AK4: variants seen among roughly 807,000 people sequenced by gnomAD.
AK4 encodes the protein adenylate kinase 4, also known as adenylate kinase 4, mitochondrial.
AK4 carries 13 observed loss-of-function variants against 24.6 expected under a neutral mutation model. The ratio of observed to expected loss-of-function variants is 0.53; its 90% confidence interval spans 0.34 to 0.84. AK4 has a LOEUF of 0.84. Among genes scored for constraint, AK4 ranks in the 40% least tolerant of loss-of-function variants. The pLI is 0.01. For missense variants in AK4, 192 were observed against 288.2 expected, an observed-to-expected ratio of 0.67 and a Z score of 2.42; for synonymous variants, 88 against 107.0, an observed-to-expected ratio of 0.82 and a Z score of 1.10.
intron 1 of AK4, among the ~76,000 whole-genome samples, chr1:65,156,307 G>T (rs767474009): frequency 2.6e-5 from 4 of 152,014 alleles, no homozygotes; most frequent in African/African-American, 4.8e-5. Flanking sequence ...TGTATCCAAA[G>T]ATTTTGTCAT....
intron 1 of AK4, among the ~76,000 whole-genome samples, chr1:65,184,462 T>G (rs79283054): frequency 0.014 from 2,116 of 152,338 alleles, 51 homozygotes; most frequent in African/African-American, 0.049. Context: ...GCAAAGATAG[T>G]GGCCTCTTTG....
intron 3 of AK4, among the ~76,000 whole-genome samples, chr1:65,222,993 TG>T (rs199681489): frequency 2.1e-4 from 32 of 151,816 alleles, no homozygotes; most frequent in African/African-American, 5.6e-4. Context: ...AAAATCAAGG[TG>T]TTTTTTTTTT....
chr1:65,213,586 G>C (rs1455761465), intron 2 of AK4, among the ~76,000 whole-genome samples: 1 of 152,226 alleles, frequency 6.6e-6, no homozygotes, highest in Non-Finnish European at 1.5e-5. Context: ...TCCTAGGTGA[G>C]CTCTACCAAG....
chr1:65,224,191 A>T (rs780222852), intron 3 of AK4, among the ~76,000 whole-genome samples: 2 of 152,104 alleles, frequency 1.3e-5, no homozygotes, highest in Non-Finnish European at 2.9e-5. Flanking sequence ...TCCCTTCTGT[A>T]TGTTCCTACA....
At chr1:65,176,932 G>A (rs1011714072) in intron 1 of AK4, among the ~76,000 whole-genome samples, 5 of 152,146 alleles carry the variant, frequency 3.3e-5, no homozygotes, top group African/African-American at 7.2e-5. Context: ...CAGATGTCAG[G>A]AAATAAATCA....
At chr1:65,153,497 C>G (rs532245427) in intron 1 of AK4, among the ~76,000 whole-genome samples, 103 of 152,188 alleles carry the variant, frequency 6.8e-4, no homozygotes, top group Non-Finnish European at 1.2e-3. Flanking sequence ...TCTTGAACCC[C>G]TTAGTTCAGG....
chr1:65,188,400 A>G (rs1166923401), intron 1 of AK4, among the ~76,000 whole-genome samples: 1 of 152,136 alleles, frequency 6.6e-6, no homozygotes, highest in East Asian at 1.9e-4. Context: ...AGCAAAAAAA[A>G]TAAAAATAAA....
At chr1:65,179,250 C>T (rs530376252) in intron 1 of AK4, among the ~76,000 whole-genome samples, 1 of 152,262 alleles carries the variant, frequency 6.6e-6, no homozygotes, top group South Asian at 2.1e-4. Context: ...AAGAACCTGT[C>T]CCTTTTATAC....
At chr1:65,221,508 C>T (rs1163126023) in intron 3 of AK4, among the ~76,000 whole-genome samples, 3 of 152,182 alleles carry the variant, frequency 2.0e-5, no homozygotes, top group Non-Finnish European at 4.4e-5. Context: ...GATTGTGCCA[C>T]TGCACTTCAG....
chr1:65,211,112 A>C (rs1433516652), intron 2 of AK4, among the ~76,000 whole-genome samples: 1 of 152,234 alleles, frequency 6.6e-6, no homozygotes, highest in Admixed American at 6.5e-5. Context: ...TGTACTCTGC[A>C]GTTATTAAAG....
Position 65,226,074 on chromosome 1 carries a change from T to C in AK4, c.569T>C (p.Val190Ala), listed in dbSNP as rs746234878. 1.9e-6 allele frequency: 3 copies of C among 1,611,656 alleles called. No individual in the cohort carries two copies. The highest frequency in any genetic ancestry group is 1.1e-5 in the South Asian group (1 of 90,906). The change falls in exon 5 of 5, where the codon GTG becomes GCG. Residue 190 changes from valine (V) to alanine (A), a missense_variant. Coordinates refer to ENST00000327299, the MANE Select transcript of AK4 (RefSeq NM_013410.4). ...PVIELYKSRG[V>A]LHQFSGTETN... ...GCTTTGTTTTTCAGGAGCCGAGGAGTGCTCCACCAATTTTCCGGAACGGAG... is the reference window on the plus strand; with the variant it reads ...GCTTTGTTTTTCAGGAGCCGAGGAGCGCTCCACCAATTTTCCGGAACGGAG...
At chr1:65,163,176 G>C (rs1387529842) in intron 1 of AK4, among the ~76,000 whole-genome samples, 1 of 152,160 alleles carries the variant, frequency 6.6e-6, no homozygotes, top group Non-Finnish European at 1.5e-5. Context: ...ATAGTTTGTG[G>C]AAGTGCCTGT....
At position 65,230,565 on chromosome 1, in the gene AK4, GTAA is replaced by G. The variant is rs1652611954; in HGVS notation, c.*4393_*4395del. The G allele has an allele frequency of 6.6e-6, 1 of 152,154 alleles. No individual in the cohort carries two copies. Among genetic ancestry groups the G allele is most frequent in the African/African-American group, 2.4e-5 (1 of 41,418 alleles). 9.4% of individuals were successfully genotyped at this position (152,154 alleles called of 1,614,324 possible). A position where few individuals can be genotyped will look rare whatever the true frequency, so the allele number is the denominator to read the frequency against. On this transcript the variant is annotated 3_prime_UTR_variant, in exon 5 of 5. Transcript: ENST00000327299. ...AATCAAATCCTCATCAATTACATAT[GTAA>G]TAATCTAAACTTGCCTCCTTGTATT...
chr1:65,224,831 A>G lies in AK4; in HGVS notation c.518A>G (p.Gln173Arg), dbSNP rs1652404843. The G allele has an allele frequency of 6.2e-7, 1 of 1,613,960 alleles. No homozygotes were observed. Among genetic ancestry groups the G allele is most frequent in the African/African-American group, 1.3e-5 (1 of 74,936 alleles). The change falls in exon 4 of 5, where the codon CAG becomes CGG. Residue 173 changes from glutamine (Q) to arginine (R), a missense_variant. Transcript: ENST00000327299. Reference protein sequence around the residue: ...KPEAVAARLRQYKDVAKPVIE... With the variant: ...KPEAVAARLRRYKDVAKPVIE... Reference sequence around the variant, plus strand: ...GAAGCAGTTGCTGCCAGGCTAAGACAGTACAAAGACGTGGCAAAGCCAGTC... The same window carrying G: ...GAAGCAGTTGCTGCCAGGCTAAGACGGTACAAAGACGTGGCAAAGCCAGTC...
chr1:65,156,623 A>T (rs1038609772), intron 1 of AK4, among the ~76,000 whole-genome samples: 29 of 152,142 alleles, frequency 1.9e-4, no homozygotes, highest in African/African-American at 7.0e-4. Context: ...ATGGATTTGA[A>T]ATTAAAATTT....
chr1:65,152,316 ATCTCTCTCTCTCTCTC>A (rs1158775260), intron 1 of AK4, among the ~76,000 whole-genome samples: 33 of 32,496 alleles, frequency 1.0e-3, no homozygotes, highest in Middle Eastern at 0.038. Flanking sequence ...TGCACTTGCT[ATCTCTCTCTCTCTCTC>A]TCTCTCTCTC....
At chr1:65,201,670 C>G (rs905586320) in intron 2 of AK4, among the ~76,000 whole-genome samples, 1 of 151,956 alleles carries the variant, frequency 6.6e-6, no homozygotes. Flanking sequence ...CTTGGGAGCA[C>G]CAGTGAAGAG....
At chr1:65,215,234 C>T (rs1457335630) in intron 2 of AK4, among the ~76,000 whole-genome samples, 1 of 151,472 alleles carries the variant, frequency 6.6e-6, no homozygotes, top group Non-Finnish European at 1.5e-5. Context: ...TGCAGTGGCA[C>T]GATCTCTACT....
chr1:65,197,062 A>C (rs1462328934), intron 2 of AK4, among the ~76,000 whole-genome samples: 1 of 152,194 alleles, frequency 6.6e-6, no homozygotes, highest in African/African-American at 2.4e-5. Flanking sequence ...ACCAGCCCCC[A>C]TAATTCAGTT....
Sources: allele counts gnomAD v4.1 joint callset (sites outside exome capture counted in the v4.1 genomes callset), GRCh38; gene constraint gnomAD v4.1.1; transcripts MANE v1.5; gene names NCBI Gene and HGNC (gene_info 2026-07-23, HGNC 2026-07-21).